Variants in IL15 observed in about 807,000 individuals in gnomAD.
The protein encoded by IL15 is interleukin 15.
IL15 carries 11 observed loss-of-function variants against 19.6 expected under a neutral mutation model. The observed-to-expected ratio is 0.56, with a 90% CI of 0.35 to 0.93. IL15 has a LOEUF of 0.93. Ranked by LOEUF, IL15 falls within the 40% of genes least tolerant of loss-of-function variation. The probability of loss-of-function intolerance (pLI) is 0.01; values close to 1 mark genes in which losing one functional copy is unlikely to be tolerated. For missense variants in IL15, 197 were observed against 186.5 expected, an observed-to-expected ratio of 1.06 and a Z score of -0.33; for synonymous variants, 58 against 59.6, an observed-to-expected ratio of 0.97 and a Z score of 0.12.
chr4:141,639,388 T>C (rs948737363), intron 1 of IL15, among the ~76,000 whole-genome samples: 11 of 152,218 alleles, frequency 7.2e-5, no homozygotes, highest in Non-Finnish European at 1.3e-4. Flanking sequence ...AAGATTATCT[T>C]TATAATCAAA....
chr4:141,712,465 C>G (rs749311698), intron 2 of IL15, among the ~76,000 whole-genome samples: 47 of 151,852 alleles, frequency 3.1e-4, no homozygotes, highest in Admixed American at 1.7e-3. Flanking sequence ...GAACATAGTG[C>G]TACAGAAAAC....
chr4:141,688,318 A>C (rs1482232692), intron 2 of IL15, among the ~76,000 whole-genome samples: 1 of 152,146 alleles, frequency 6.6e-6, no homozygotes, highest in Admixed American at 6.5e-5. Context: ...ATTCTTAGAG[A>C]CCACTACCTG....
At chr4:141,726,568 C>T (rs1730272823) in intron 5 of IL15, among the ~76,000 whole-genome samples, 1 of 152,104 alleles carries the variant, frequency 6.6e-6, no homozygotes, top group African/African-American at 2.4e-5. Flanking sequence ...ATGCATTTGC[C>T]TTACAATCCA....
At chr4:141,692,046 C>G (rs1728929387) in intron 2 of IL15, among the ~76,000 whole-genome samples, 1 of 152,240 alleles carries the variant, frequency 6.6e-6, no homozygotes, top group South Asian at 2.1e-4. Context: ...GGCAGATGCT[C>G]CCAAAGCTCA....
At chr4:141,641,662 A>G (rs1209630064) in intron 1 of IL15, among the ~76,000 whole-genome samples, 3 of 128,816 alleles carry the variant, frequency 2.3e-5, no homozygotes, top group African/African-American at 5.9e-5. Context: ...GGACACAGGA[A>G]GGGGAACATC....
At position 141,657,873 on chromosome 4, in the gene IL15, G is replaced by A. The variant is rs188717292; in HGVS notation, c.-100+1566G>A. 9.9e-3 allele frequency among the ~76,000 whole-genome samples: 1,508 copies of A among 152,210 alleles called. 24 individuals carry two copies. The highest frequency in any genetic ancestry group is 0.035 in the African/African-American group (1,451 of 41,526). ...GTACACCATACAATAATGATAAAAA[G>A]TATAGTATAATAAATACATAAACCA... On this transcript the variant is annotated intron_variant, in intron 2 of 7. Transcript: ENST00000320650.
At chr4:141,651,309 TCAAGTGAAACAAATCAAAA>T in intron 1 of IL15, among the ~76,000 whole-genome samples, 1 of 152,154 alleles carries the variant, frequency 6.6e-6, no homozygotes. Flanking sequence ...GGCCATTATC[TCAAGTGAAACAAATCAAAA>T]CAGAAAGTCA....
Position 141,639,564 on chromosome 4 carries a change from G to A in IL15, c.-222+2816G>A, listed in dbSNP as rs566688697. Among the ~76,000 whole-genome samples the A allele has an allele frequency of 6.8e-4, 104 of 152,278 alleles. 1 individual carries two copies. The highest frequency in any genetic ancestry group is 3.4e-3 in the Middle Eastern group (1 of 294). ...TAGATATCTGTCTCTGCCTATCTAT[G>A]TATCCCTTCTTCCATACAACTAGAA... On this transcript the variant is annotated intron_variant, in intron 1 of 7. Transcript: ENST00000320650.
intron 6 of IL15, 56 bp from the exon 7 acceptor site, chr4:141,729,791 G>A: frequency 1.1e-6 from 1 of 944,570 alleles, no homozygotes; most frequent in Non-Finnish European, 1.7e-6. Context: ...AATTACATCA[G>A]TATGAAAATT....
chr4:141,709,819 A>G (rs1354326568), intron 2 of IL15, among the ~76,000 whole-genome samples: 1 of 152,018 alleles, frequency 6.6e-6, no homozygotes, highest in African/African-American at 2.4e-5. Context: ...GGTTGGTTAC[A>G]TGGGTGAATT....
intron 2 of IL15, among the ~76,000 whole-genome samples, chr4:141,701,114 G>T (rs1729286539): frequency 6.6e-6 from 1 of 151,854 alleles, no homozygotes; most frequent in Admixed American, 6.6e-5. Flanking sequence ...TCTTTATCTG[G>T]CATTTCAGAG....
chr4:141,645,137 C>T lies in IL15; in HGVS notation c.-222+8389C>T, dbSNP rs149593961. On this transcript the variant is annotated intron_variant, in intron 1 of 7. Coordinates refer to ENST00000320650, the MANE Select transcript of IL15 (RefSeq NM_000585.5). ...TTTAAGTTCAATGATATTTAGAATT[C>T]GGGGGGCTTCCTATGAATTTTATTG... Among the ~76,000 whole-genome samples the T allele has an allele frequency of 1.0e-3, 152 of 152,182 alleles. 1 individual carries two copies. The highest frequency in any genetic ancestry group is 3.2e-3 in the African/African-American group (134 of 41,526).
intron 1 of IL15, among the ~76,000 whole-genome samples, chr4:141,654,263 G>T (rs1727512081): frequency 6.6e-6 from 1 of 152,148 alleles, no homozygotes; most frequent in African/African-American, 2.4e-5. Flanking sequence ...TACAGCTCTG[G>T]AAGGGAAGCA....
chr4:141,690,916 A>C (rs1448760879), intron 2 of IL15, among the ~76,000 whole-genome samples: 1 of 151,982 alleles, frequency 6.6e-6, no homozygotes, highest in Non-Finnish European at 1.5e-5. Flanking sequence ...TCTGCCAGGA[A>C]AGCGCTTTTC....
At chr4:141,675,553 T>G (rs528234625) in intron 2 of IL15, among the ~76,000 whole-genome samples, 49 of 152,210 alleles carry the variant, frequency 3.2e-4, no homozygotes, top group Non-Finnish European at 5.6e-4. Flanking sequence ...TCTCGAGTAT[T>G]TGTTATAGTG....
At chr4:141,669,863 A>C (rs1728111903) in intron 2 of IL15, among the ~76,000 whole-genome samples, 1 of 151,846 alleles carries the variant, frequency 6.6e-6, no homozygotes, top group Non-Finnish European at 1.5e-5. Context: ...AACTTGGCTC[A>C]TGACAGAGCC....
chr4:141,646,188 G>C (rs1157013688), intron 1 of IL15, among the ~76,000 whole-genome samples: 2 of 151,940 alleles, frequency 1.3e-5, no homozygotes, highest in African/African-American at 4.8e-5. Flanking sequence ...ATATTAATCA[G>C]GTTATGCTAC....
chr4:141,670,802 A>G (rs1359198086), intron 2 of IL15, among the ~76,000 whole-genome samples: 1 of 152,192 alleles, frequency 6.6e-6, no homozygotes, highest in African/African-American at 2.4e-5. Context: ...CAGTACCTTT[A>G]TACTTGAAGT....
intron 5 of IL15, among the ~76,000 whole-genome samples, chr4:141,726,810 G>GA (rs961886448): frequency 1.3e-5 from 2 of 151,762 alleles, no homozygotes. Context: ...TATGATGAGT[G>GA]AAAAAAGCCA....
Sources: allele counts gnomAD v4.1 joint callset (sites outside exome capture counted in the v4.1 genomes callset), GRCh38; gene constraint gnomAD v4.1.1; transcripts MANE v1.5; gene names NCBI Gene and HGNC (gene_info 2026-07-23, HGNC 2026-07-21).